The following MARCHF8 variants were observed in gnomAD, a reference collection of about 807,000 sequenced individuals.
MARCHF8 encodes E3 ubiquitin-protein ligase MARCHF8.
MARCHF8 carries 40 observed loss-of-function variants against 51.6 expected under a neutral mutation model. The ratio of observed to expected loss-of-function variants is 0.77; its 90% CI spans 0.60 to 1.01. MARCHF8 has a LOEUF of 1.01. Ranked by LOEUF, MARCHF8 falls within the 50% of genes least tolerant of loss-of-function variation. The probability of loss-of-function intolerance (pLI) is 0.00; values close to 1 mark genes in which losing one functional copy is unlikely to be tolerated. For missense variants in MARCHF8, 685 were observed against 708.6 expected, an observed-to-expected ratio of 0.97 and a Z score of 0.38; for synonymous variants, 263 against 280.3, an observed-to-expected ratio of 0.94 and a Z score of 0.62.
At chr10:45,572,037 T>C (rs2044434973) in intron 1 of MARCHF8, among the ~76,000 whole-genome samples, 1 of 152,166 alleles carries the variant, frequency 6.6e-6, no homozygotes, top group African/African-American at 2.4e-5. Context: ...TGGTGGCAAG[T>C]CAATTGCAGG....
At chr10:45,496,282 TTAAA>T (rs2043173714) in intron 2 of MARCHF8, among the ~76,000 whole-genome samples, 1 of 152,158 alleles carries the variant, frequency 6.6e-6, no homozygotes, top group African/African-American at 2.4e-5. Context: ...TTTTCCTTTC[TTAAA>T]TAATTTAAAA....
At chr10:45,521,774 T>G (rs2043710509) in intron 2 of MARCHF8, among the ~76,000 whole-genome samples, 1 of 152,206 alleles carries the variant, frequency 6.6e-6, no homozygotes, top group African/African-American at 2.4e-5. Context: ...AACTTTTGAT[T>G]TGAAAAACTT....
intron 1 of MARCHF8, among the ~76,000 whole-genome samples, chr10:45,550,624 C>T (rs1251168959): frequency 6.6e-6 from 1 of 152,164 alleles, no homozygotes; most frequent in Non-Finnish European, 1.5e-5. Flanking sequence ...TACCCCCTGA[C>T]CATCCGAGAT....
At chr10:45,477,098 A>G (rs974309666) in intron 3 of MARCHF8, among the ~76,000 whole-genome samples, 1 of 152,344 alleles carries the variant, frequency 6.6e-6, no homozygotes, top group Admixed American at 6.5e-5. Flanking sequence ...AGAAAAAAGC[A>G]TCTAGTCATT....
intron 1 of MARCHF8, among the ~76,000 whole-genome samples, chr10:45,534,409 A>G (rs1361571046): frequency 6.6e-6 from 1 of 152,188 alleles, no homozygotes; most frequent in Non-Finnish European, 1.5e-5. Flanking sequence ...CAGTGTATGC[A>G]TAAACTGTCT....
At chr10:45,578,730 GCTC>G (rs1324542085) in intron 1 of MARCHF8, among the ~76,000 whole-genome samples, 1 of 151,270 alleles carries the variant, frequency 6.6e-6, no homozygotes, top group Non-Finnish European at 1.5e-5. Context: ...ACATCAGGTT[GCTC>G]CTAATATGCT....
chr10:45,503,734 A>G (rs1413055945), intron 2 of MARCHF8, among the ~76,000 whole-genome samples: 1 of 152,194 alleles, frequency 6.6e-6, no homozygotes. Context: ...GTCCATCAAC[A>G]CATAAATGGA....
At chr10:45,489,122 G>C (rs1203656335) in intron 3 of MARCHF8, among the ~76,000 whole-genome samples, 1 of 152,158 alleles carries the variant, frequency 6.6e-6, no homozygotes, top group Non-Finnish European at 1.5e-5. Flanking sequence ...CTGCCTTAAA[G>C]TATATGGTTT....
intron 1 of MARCHF8, among the ~76,000 whole-genome samples, chr10:45,555,272 CTG>C (rs914295062): frequency 6.6e-6 from 1 of 151,672 alleles, no homozygotes; most frequent in Admixed American, 6.6e-5. Flanking sequence ...ATAAGAATAA[CTG>C]TGGCTGGGTA....
intron 3 of MARCHF8, among the ~76,000 whole-genome samples, chr10:45,482,869 G>T (rs1464441952): frequency 6.6e-6 from 1 of 152,118 alleles, no homozygotes; most frequent in East Asian, 1.9e-4. Context: ...TTCAACAAAG[G>T]TACCAAAAAC....
chr10:45,584,367 C>G (rs1161312065), intron 1 of MARCHF8, among the ~76,000 whole-genome samples: 1 of 151,590 alleles, frequency 6.6e-6, no homozygotes, highest in Non-Finnish European at 1.5e-5. Flanking sequence ...TTATGTAAAA[C>G]TTTTTAAAAA....
intron 2 of MARCHF8, among the ~76,000 whole-genome samples, chr10:45,528,331 T>C (rs890861367): frequency 2.0e-5 from 3 of 152,242 alleles, no homozygotes; most frequent in South Asian, 2.1e-4. Flanking sequence ...TTTGCTGATA[T>C]AATTTTATAC....
At chr10:45,542,780 G>A (rs943978682) in intron 1 of MARCHF8, among the ~76,000 whole-genome samples, 1 of 152,118 alleles carries the variant, frequency 6.6e-6, no homozygotes, top group Non-Finnish European at 1.5e-5. Flanking sequence ...AGAATAACAG[G>A]TATGAGACTC....
intron 1 of MARCHF8, among the ~76,000 whole-genome samples, chr10:45,554,947 TG>T (rs2044235242): frequency 1.3e-5 from 2 of 151,830 alleles, no homozygotes; most frequent in Non-Finnish European, 2.9e-5. Context: ...CCCAGCTACT[TG>T]GGAGGCTGAG....
chr10:45,500,856 C>T (rs2043266097), intron 2 of MARCHF8, among the ~76,000 whole-genome samples: 1 of 151,696 alleles, frequency 6.6e-6, no homozygotes, highest in African/African-American at 2.4e-5. Context: ...AAATTAACTG[C>T]ATTGCTATAT....
intron 3 of MARCHF8, among the ~76,000 whole-genome samples, chr10:45,475,585 T>C (rs1244473009): frequency 6.6e-6 from 1 of 152,124 alleles, no homozygotes; most frequent in East Asian, 1.9e-4. Context: ...CATTTGGGCC[T>C]GAAGACTGGT....
At chr10:45,572,537 C>T (rs71496618) in intron 1 of MARCHF8, among the ~76,000 whole-genome samples, 9,387 of 152,232 alleles carry the variant, frequency 0.062, 336 homozygotes, top group Non-Finnish European at 0.066. Flanking sequence ...ACGGCATTTT[C>T]GATTTCTCCA....
At chr10:45,497,020 AG>A (rs1055959307) in intron 2 of MARCHF8, among the ~76,000 whole-genome samples, 1 of 152,178 alleles carries the variant, frequency 6.6e-6, no homozygotes, top group Admixed American at 6.5e-5. Flanking sequence ...ATCAACAGGA[AG>A]GGTTGTCAGG....
intron 3 of MARCHF8, among the ~76,000 whole-genome samples, chr10:45,465,246 C>T (rs1435510793): frequency 2.0e-5 from 3 of 152,192 alleles, no homozygotes; most frequent in Admixed American, 6.5e-5. Flanking sequence ...AGCATTCTTC[C>T]CTCCTTAAGA....
Sources: allele counts gnomAD v4.1 joint callset (sites outside exome capture counted in the v4.1 genomes callset), GRCh38; gene constraint gnomAD v4.1.1; transcripts MANE v1.5; gene names NCBI Gene and HGNC (gene_info 2026-07-23, HGNC 2026-07-21).